Variants in TMEM31 observed in about 807,000 individuals in gnomAD.
TMEM31 encodes testicular secretory protein Li 58.
Under a neutral mutation model 2.4 loss-of-function variants are expected in TMEM31, and 1 was observed. The observed-to-expected ratio is 0.42, with a 90% confidence interval of 0.15 to 1.97. TMEM31 has a LOEUF of 1.97. Among genes scored for constraint, TMEM31 ranks in the 30% most tolerant of loss-of-function variants. The pLI, the probability that TMEM31 is intolerant of heterozygous loss-of-function variation, is 0.30. For missense variants in TMEM31, 119 were observed against 121.3 expected (o/e 0.98, Z 0.09); for synonymous variants, 47 against 45.8 (o/e 1.03, Z -0.10).
At chrX:103,711,364 G>T (rs867666021) in intron 1 of TMEM31, among the ~76,000 whole-genome samples, 2 of 109,770 alleles carry the variant, frequency 1.8e-5, no homozygotes, top group African/African-American at 6.6e-5. Flanking sequence ...GGCGCCTGTA[G>T]TCCCAGCTAC....
chrX:103,713,720 C>T lies in TMEM31; in HGVS notation c.229C>T (p.Pro77Ser). The part of the protein sequence containing the change: ...TINLLEVLPW[P>S]TEWIFNPYRL... The stretch of plus-strand genomic sequence containing the variant: ...CAACCTTCTTGAAGTCCTTCCGTGG[C>T]CTACTGAGTGGATTTTCAACCCCTA... The change falls in exon 3 of 3, where the codon CCT becomes TCT. Residue 77 changes from proline to serine, a missense_variant. Physicochemically the swap from Pro to Ser is moderately conservative, Grantham distance 74. Transcript: ENST00000319560. 1 of 1,211,705 alleles carries T rather than the reference C, an allele frequency of 8.3e-7. No individual in the cohort carries two copies. The highest frequency in any genetic ancestry group is 1.8e-5 in the South Asian group (1 of 56,971).
chrX:103,712,000 A>G (rs976512973), intron 1 of TMEM31, among the ~76,000 whole-genome samples: 12 of 111,826 alleles, frequency 1.1e-4, no homozygotes, highest in African/African-American at 1.6e-4. Flanking sequence ...GATTAGACAG[A>G]AAACATGGAG....
chrX:103,713,419 T>A, intron 2 of TMEM31, 175 bp from the exon 3 acceptor site: 1 of 941,797 alleles, frequency 1.1e-6, no homozygotes, highest in Non-Finnish European at 1.5e-6. Context: ...GCCTATCTAG[T>A]CCTTGCAGCC....
At position 103,711,333 on chromosome X, in the gene TMEM31, A is replaced by C. The variant is rs1304103922; in HGVS notation, c.-24+257A>C. ...CCCTGTCTCTACTAAAAATACAGAA[A>C]ATTAGCCGGGCGTGGTGGCGGGCGC... On this transcript the variant is annotated intron_variant, in intron 1 of 2. Coordinates refer to ENST00000319560, the MANE Select transcript of TMEM31 (RefSeq NM_182541.2). Among the ~76,000 whole-genome samples, 4 of 109,752 alleles carry C rather than the reference A, an allele frequency of 3.6e-5. 1 individual carries two copies. In the Admixed American group the frequency reaches 3.8e-4, roughly 11 times the overall value.
At chrX:103,712,998 G>GTAA (rs897877141) in intron 2 of TMEM31, among the ~76,000 whole-genome samples, 19 of 111,733 alleles carry the variant, frequency 1.7e-4, no homozygotes, top group African/African-American at 4.6e-4. Context: ...AGAGATTAAA[G>GTAA]TAATCAAAGA....
At chrX:103,712,719 C>G (rs950889098) in intron 2 of TMEM31, among the ~76,000 whole-genome samples, 6 of 111,290 alleles carry the variant, frequency 5.4e-5, no homozygotes, top group Non-Finnish European at 9.4e-5. Context: ...TTAGTAGAGA[C>G]AGGGTTTCAC....
rs748359594 is a variant in TMEM31, at chrX:103,713,740, C to A, written c.249C>A (p.Asn83Lys). 12 of 1,211,411 alleles carry A rather than the reference C, an allele frequency of 9.9e-6. No individual in the cohort carries two copies. In the South Asian group the frequency reaches 1.6e-4, roughly 16 times the overall value. ...CGTGGCCTACTGAGTGGATTTTCAACCCCTATCGATTGCCTGCTCTTTTTG... is the reference window on the plus strand; with the variant it reads ...CGTGGCCTACTGAGTGGATTTTCAAACCCTATCGATTGCCTGCTCTTTTTG... The part of the protein sequence containing the change: ...VLPWPTEWIF[N>K]PYRLPALFEL... The change falls in exon 3 of 3, where the codon AAC becomes AAA. Residue 83 changes from asparagine (N) to lysine (K), a missense_variant. By Grantham distance (94) the Asn-to-Lys change is moderately conservative. Coordinates refer to ENST00000319560, the MANE Select transcript of TMEM31 (RefSeq NM_182541.2).
intron 2 of TMEM31, among the ~76,000 whole-genome samples, chrX:103,713,164 C>T (rs1158499690): frequency 3.7e-5 from 4 of 109,292 alleles, no homozygotes; most frequent in African/African-American, 1.3e-4. Flanking sequence ...AATCTCGGCT[C>T]ACCGCAAACT....
intron 2 of TMEM31, 39 bp downstream of exon 2, chrX:103,712,399 G>T (rs1422271697): frequency 1.8e-6 from 2 of 1,095,292 alleles, no homozygotes; most frequent in East Asian, 6.3e-5. Context: ...AGTTATGGGG[G>T]TCCTCTTATA....
At chrX:103,713,417 A>G in intron 2 of TMEM31, 177 bp from the exon 3 acceptor site, 3 of 913,268 alleles carry the variant, frequency 3.3e-6, no homozygotes, top group Non-Finnish European at 4.6e-6. Context: ...TTGCCTATCT[A>G]GTCCTTGCAG....
At position 103,713,612 on chromosome X, in the gene TMEM31, C is replaced by A; in HGVS notation, c.121C>A (p.Arg41=). Residue 41 remains arginine, a synonymous_variant, in exon 3 of 3, where the codon CGA becomes AGA. Coordinates refer to ENST00000319560, the MANE Select transcript of TMEM31 (RefSeq NM_182541.2). ...QSEQHTPARQ[R]TQRADTQPSR... is the part of the protein sequence containing the mutation. Reference sequence around the variant, plus strand: ...ATGGCAGCATACTCCAGCAAGGCAGCGAACACAAAGAGCAGACACACAGCC... The same window carrying A: ...ATGGCAGCATACTCCAGCAAGGCAGAGAACACAAAGAGCAGACACACAGCC... The A allele has an allele frequency of 8.3e-7, 1 of 1,212,022 alleles. No individual in the cohort carries two copies. Among genetic ancestry groups the A allele is most frequent in the Non-Finnish European group, 1.1e-6 (1 of 895,600 alleles).
chrX:103,711,377 A>G (rs769988916), intron 1 of TMEM31, among the ~76,000 whole-genome samples: 129 of 109,115 alleles, frequency 1.2e-3, no homozygotes, highest in South Asian at 2.8e-3. Flanking sequence ...CCAGCTACTC[A>G]GGAGGCTGAC....
intron 1 of TMEM31, 78 bp from the exon 2 acceptor site, chrX:103,712,158 T>G: frequency 1.4e-6 from 1 of 713,154 alleles, no homozygotes; most frequent in Non-Finnish European, 2.1e-6. Context: ...ACAACTTACC[T>G]AGCACCTATT....
At chrX:103,713,166 C>T (rs2074230971) in intron 2 of TMEM31, among the ~76,000 whole-genome samples, 1 of 109,611 alleles carries the variant, frequency 9.1e-6, no homozygotes, top group South Asian at 4.0e-4. Flanking sequence ...TCTCGGCTCA[C>T]CGCAAACTCC....
intron 1 of TMEM31, among the ~76,000 whole-genome samples, chrX:103,711,903 G>A (rs1038697668): frequency 2.7e-5 from 3 of 111,917 alleles, no homozygotes; most frequent in South Asian, 7.4e-4. Flanking sequence ...ACAAGCTAGA[G>A]TCAGGATTTT....
chrX:103,712,459 C>G, intron 2 of TMEM31, 99 bp downstream of exon 2: 3 of 714,521 alleles, frequency 4.2e-6, no homozygotes, highest in Non-Finnish European at 6.1e-6. Context: ...TCTTAACCAC[C>G]AATTAGTGTA....
In TMEM31 at chrX:103,713,656, T is replaced by G; in HGVS notation, c.165T>G (p.Pro55=). Residue 55 remains proline (P), a synonymous_variant, in exon 3 of 3, where the codon CCT becomes CCG. Transcript: ENST00000319560. ...ADTQPSRCRL[P]SRRTPTTSSD... ...CACAGCCATCCAGATGTCGATTGCC[T>G]TCACGTAGGACACCTACAACATCCA... is the stretch of plus-strand genomic sequence containing the variant. 8.2e-7 allele frequency: 1 copy of G among 1,212,212 alleles called. No homozygotes were observed. The highest frequency in any genetic ancestry group is 1.1e-6 in the Non-Finnish European group (1 of 895,621).
In TMEM31 at chrX:103,711,454, A is replaced by C. The variant is rs1377942050; in HGVS notation, c.-24+378A>C. Among the ~76,000 whole-genome samples, 4 of 102,240 alleles carry C rather than the reference A, an allele frequency of 3.9e-5. No homozygotes were observed. The East Asian group carries it at 9.4e-4, about 24-fold the overall frequency. The allele number at this position is 102,240 out of a possible 115,157, so 88.8% of individuals were successfully genotyped here. A position where few individuals can be genotyped will look rare whatever the true frequency, so the allele number is the denominator to read the frequency against. On this transcript the variant is annotated intron_variant, in intron 1 of 2. Transcript: ENST00000319560. ...AGCCCAGATCACGCCACTGCACTAC[A>C]GCCTGGGCGACAGAGCGAGACTCCG...
rs756813411 is a variant in TMEM31, at chrX:103,713,613, G to A, written c.122G>A (p.Arg41Gln). The A allele has an allele frequency of 5.8e-6, 7 of 1,211,970 alleles. No individual in the cohort carries two copies. The highest frequency in any genetic ancestry group is 1.7e-5 in the African/African-American group (1 of 57,823). Residue 41 changes from arginine to glutamine, a missense_variant, in exon 3 of 3, where the codon CGA (arginine) becomes CAA (glutamine). Arg to Gln is a conservative substitution (Grantham distance 43). Coordinates refer to ENST00000319560, the MANE Select transcript of TMEM31 (RefSeq NM_182541.2). ...QSEQHTPARQ[R>Q]TQRADTQPSR... ...TGGCAGCATACTCCAGCAAGGCAGC[G>A]AACACAAAGAGCAGACACACAGCCA...
Sources: allele counts gnomAD v4.1 joint callset (sites outside exome capture counted in the v4.1 genomes callset), GRCh38; gene constraint gnomAD v4.1.1; transcripts MANE v1.5; gene names NCBI Gene and HGNC (gene_info 2026-07-23, HGNC 2026-07-21).